KHDC1: variants seen among roughly 807,000 people sequenced by gnomAD.
The protein encoded by KHDC1 is KH homology domain-containing protein 1.
Under a neutral mutation model 24.7 loss-of-function variants are expected in KHDC1, and 21 were observed. The observed-to-expected ratio is 0.85, with a 90% CI of 0.60 to 1.23. KHDC1 has a LOEUF of 1.23. Ranked by LOEUF, KHDC1 falls within the 50% of genes most tolerant of loss-of-function variation. KHDC1 has a pLI of 0.00. For missense variants in KHDC1, 274 were observed against 298.5 expected (o/e 0.92, Z 0.61); for synonymous variants, 98 against 111.7 (o/e 0.88, Z 0.77).
intron 2 of KHDC1, among the ~76,000 whole-genome samples, chr6:73,264,518 G>A (rs1266375369): frequency 6.6e-6 from 1 of 152,204 alleles, no homozygotes; most frequent in Non-Finnish European, 1.5e-5. Flanking sequence ...AGGAACCCAG[G>A]ACCTGTGAGC....
intron 2 of KHDC1, among the ~76,000 whole-genome samples, chr6:73,289,541 C>T (rs1767597319): frequency 6.6e-6 from 1 of 151,280 alleles, no homozygotes; most frequent in African/African-American, 2.4e-5. Context: ...ATCCCAGCTA[C>T]TCCAGAGGCT....
At chr6:73,290,962 G>GTGTTGCA (rs1562258152) in intron 2 of KHDC1, 1 of 354,212 alleles carries the variant, frequency 2.8e-6, no homozygotes, top group Non-Finnish European at 5.5e-6. Context: ...CTCTGTGCAT[G>GTGTTGCA]TGTTGCACCA....
At chr6:73,273,885 A>G (rs1209645131) in intron 2 of KHDC1, among the ~76,000 whole-genome samples, 2 of 152,174 alleles carry the variant, frequency 1.3e-5, no homozygotes, top group Non-Finnish European at 2.9e-5. Flanking sequence ...TTGGGAGGCA[A>G]AGGTGGGAGG....
At chr6:73,266,225 C>G (rs925054199) in intron 2 of KHDC1, among the ~76,000 whole-genome samples, 1 of 152,110 alleles carries the variant, frequency 6.6e-6, no homozygotes, top group Non-Finnish European at 1.5e-5. Context: ...ACAAACTCTG[C>G]AATATGTTAA....
intron 2 of KHDC1, among the ~76,000 whole-genome samples, chr6:73,253,320 C>T (rs1766815331): frequency 6.6e-6 from 1 of 152,028 alleles, no homozygotes; most frequent in African/African-American, 2.4e-5. Context: ...CTTTGGGAGG[C>T]CGAGGGGGGT....
intron 2 of KHDC1, among the ~76,000 whole-genome samples, chr6:73,271,207 T>G (rs184975841): frequency 9.9e-4 from 150 of 152,012 alleles, no homozygotes; most frequent in Middle Eastern, 3.4e-3. Context: ...TTGGTTTTTT[T>G]TTGTTGTTGT....
chr6:73,246,457 A>G (rs1298410850), intron 2 of KHDC1, among the ~76,000 whole-genome samples: 1 of 152,212 alleles, frequency 6.6e-6, no homozygotes, highest in East Asian at 1.9e-4. Flanking sequence ...CAGTTCCCTA[A>G]AACAGGTCAA....
At chr6:73,248,022 C>T (rs1006531154) in intron 2 of KHDC1, among the ~76,000 whole-genome samples, 24 of 152,174 alleles carry the variant, frequency 1.6e-4, no homozygotes, top group Non-Finnish European at 2.8e-4. Context: ...CACACCTTTC[C>T]TGTTGCAGGC....
At chr6:73,267,296 A>G (rs1235380140) in intron 2 of KHDC1, among the ~76,000 whole-genome samples, 5 of 152,150 alleles carry the variant, frequency 3.3e-5, no homozygotes, top group Non-Finnish European at 7.3e-5. Flanking sequence ...CCTGGCCAAC[A>G]TGGCAAAACC....
intron 1 of KHDC1, among the ~76,000 whole-genome samples, chr6:73,296,317 T>TAATG (rs1184740912): frequency 6.8e-6 from 1 of 146,338 alleles, no homozygotes; most frequent in African/African-American, 2.5e-5. Flanking sequence ...TAGCCAGGTG[T>TAATG]AATGGCACAT....
intron 3 of KHDC1, 22 bp downstream of exon 2, chr6:73,242,384 G>A (rs1298250307): frequency 1.2e-6 from 2 of 1,613,894 alleles, no homozygotes; most frequent in African/African-American, 2.7e-5. Flanking sequence ...TGAAGAAGGG[G>A]ACGTGGGCAA....
At chr6:73,283,143 G>A in intron 2 of KHDC1, among the ~76,000 whole-genome samples, 1 of 152,058 alleles carries the variant, frequency 6.6e-6, no homozygotes, top group Non-Finnish European at 1.5e-5. Flanking sequence ...TTTCCTTATT[G>A]TAATCTTTTG....
chr6:73,278,009 GTTTTTTT>G (rs70994182), intron 2 of KHDC1, among the ~76,000 whole-genome samples: 3 of 106,334 alleles, frequency 2.8e-5, no homozygotes, highest in African/African-American at 3.9e-5. Flanking sequence ...TCTCTCGGGT[GTTTTTTT>G]TTTTTTTTTT....
intron 2 of KHDC1, among the ~76,000 whole-genome samples, chr6:73,290,106 C>CAAAA (rs140342387): frequency 9.3e-5 from 8 of 86,454 alleles, no homozygotes; most frequent in African/African-American, 3.6e-4. Context: ...GACTCCGTCT[C>CAAAA]AAAAAAAAAA....
chr6:73,290,625 C>T, intron 2 of KHDC1: 1 of 511,470 alleles, frequency 2.0e-6, no homozygotes. Context: ...GAAAACCCTG[C>T]TGATGTGTCA....
intron 1 of KHDC1, among the ~76,000 whole-genome samples, chr6:73,294,015 A>G (rs887850728): frequency 1.3e-5 from 2 of 150,838 alleles, no homozygotes; most frequent in Admixed American, 6.6e-5. Context: ...CAAAAAAAAA[A>G]AAACAAAAAA....
intron 1 of KHDC1, among the ~76,000 whole-genome samples, chr6:73,303,296 C>T (rs1001798687): frequency 4.6e-5 from 7 of 151,998 alleles, no homozygotes; most frequent in African/African-American, 1.7e-4. Flanking sequence ...GAAGAAACAA[C>T]AGCTGTTCCA....
At chr6:73,280,916 T>G (rs973701503) in intron 2 of KHDC1, among the ~76,000 whole-genome samples, 4 of 152,152 alleles carry the variant, frequency 2.6e-5, no homozygotes, top group Non-Finnish European at 5.9e-5. Flanking sequence ...AGCACATCCT[T>G]TAGAAGTTTT....
chr6:73,271,760 C>T (rs1013395419), intron 2 of KHDC1, among the ~76,000 whole-genome samples: 2 of 151,474 alleles, frequency 1.3e-5, no homozygotes, highest in Non-Finnish European at 2.9e-5. Context: ...CAGGCATGGC[C>T]GCGCATGCCT....
Sources: allele counts gnomAD v4.1 joint callset (sites outside exome capture counted in the v4.1 genomes callset), GRCh38; gene constraint gnomAD v4.1.1; transcripts MANE v1.5; gene names NCBI Gene and HGNC (gene_info 2026-07-23, HGNC 2026-07-21).